The following SPTBN5 variants were observed in gnomAD, a reference collection of about 807,000 sequenced individuals.
SPTBN5 encodes spectrin beta chain, non-erythrocytic 5.
A neutral mutation model predicts 477.6 loss-of-function variants in SPTBN5; 513 were observed. The observed-to-expected ratio is 1.07, with a 90% confidence interval of 1.00 to 1.16. The LOEUF (loss-of-function observed/expected upper bound fraction) is 1.16, where lower values mean the gene tolerates loss of function less well. SPTBN5 is among the 50% of genes most tolerant of loss of function. The pLI, the probability that SPTBN5 is intolerant of heterozygous loss-of-function variation, is 0.00. For synonymous variants in SPTBN5, 2,169 were observed against 2,011.7 expected (o/e 1.08, Z -2.09); for missense variants, 5,062 against 4,731.8 (o/e 1.07, Z -2.05).
At position 41,851,338 on chromosome 15, in the gene SPTBN5, C is replaced by T; in HGVS notation, c.10688G>A (p.Gly3563Glu). ...GCTCAGAGAGCTGCCCTGCAAGTTC[C>T]CGCGGCAGCTGTCCCAGGAGCTCGA... Reference protein sequence around the residue: ...PSSSSWDSCRGNLQGSSLSLF... With the variant: ...PSSSSWDSCRENLQGSSLSLF... The change falls in exon 64 of 68, where the codon GGG becomes GAG. Residue 3563 changes from glycine to glutamate, a missense_variant. By Grantham distance (98) the Gly-to-Glu change is moderately conservative (BLOSUM62 -2). Transcript: ENST00000320955. 6.4e-7 allele frequency: 1 copy of T among 1,550,974 alleles called. No individual in the cohort carries two copies. The highest frequency in any genetic ancestry group is 8.7e-7 in the Non-Finnish European group (1 of 1,146,972).
At chr15:41,880,990 G>T in intron 13 of SPTBN5, 44 bp downstream of exon 13, 3 of 1,514,698 alleles carry the variant, frequency 2.0e-6, no homozygotes, top group Non-Finnish European at 2.7e-6. Flanking sequence ...GGAGCTGCTG[G>T]CACAGAGTAA....
chr15:41,852,821 C>A lies in SPTBN5; in HGVS notation c.10347+3G>T. 6.2e-7 allele frequency: 1 copy of A among 1,609,988 alleles called. No individual in the cohort carries two copies. The highest frequency in any genetic ancestry group is 8.5e-7 in the Non-Finnish European group (1 of 1,177,776). ...CCAGCTAAGGGGCAGGACCCCCACT[C>A]ACCCCATAGTCGGGCTTCAGCAGGA... is the stretch of plus-strand genomic sequence containing the variant. On this transcript the variant is annotated splice_donor_region_variant and intron_variant, in intron 60 of 67. Transcript: ENST00000320955.
chr15:41,880,041 C>T, intron 14 of SPTBN5, 119 bp downstream of exon 14: 1 of 1,429,420 alleles, frequency 7.0e-7, no homozygotes, highest in Non-Finnish European at 9.3e-7. Context: ...TTCAGGCCAG[C>T]TCTCTGCTCC....
rs202048229 is a variant in SPTBN5, at chr15:41,885,969, C to A, written c.1286G>T (p.Arg429Leu). Residue 429 changes from arginine (R) to leucine (L), a missense_variant, in exon 7 of 68, where the codon CGG becomes CTG. Physicochemically the swap from Arg to Leu is moderately radical, Grantham distance 102. Coordinates refer to ENST00000320955, the MANE Select transcript of SPTBN5 (RefSeq NM_016642.4). ...GAGGGCTGCCTTGTGCTGGAAGCGC[C>A]GGGCCAGGGTTTCTAGCCGCTGCAG... ...LQLQRLETLA[R>L]RFQHKAALRE... The A allele has an allele frequency of 6.5e-6, 10 of 1,548,644 alleles. No individual in the cohort carries two copies. Among genetic ancestry groups the A allele is most frequent in the Non-Finnish European group, 7.8e-6 (9 of 1,147,734 alleles).
rs1418589460 is a variant in SPTBN5, at chr15:41,888,079, ACTC to A, written c.505_507del (p.Glu169del). 1 of 1,569,334 alleles carries A rather than the reference ACTC, an allele frequency of 6.4e-7. No homozygotes were observed. Among genetic ancestry groups the A allele is most frequent in the African/African-American group, 1.4e-5 (1 of 73,936 alleles). On this transcript the variant is annotated inframe_deletion, in exon 5 of 68. Transcript: ENST00000320955. ...GACAGCAGGGCTGCGCTGGCCCCAA[ACTC>A]CTCCTGGCGGGACAGGGCAGCAGGG...
At chr15:41,890,336 T>G in intron 3 of SPTBN5, 131 bp from the exon 4 acceptor site, 1 of 666,502 alleles carries the variant, frequency 1.5e-6, no homozygotes, top group East Asian at 2.7e-5. Context: ...GGGAGTTCCC[T>G]CAGGGAGAAG....
rs774337109 is a variant in SPTBN5, at chr15:41,867,082, C to T, written c.6357G>A (p.Arg2119=). The change falls in exon 36 of 68, where the codon CGG becomes CGA. Residue 2119 remains arginine (R), a synonymous_variant. Coordinates refer to ENST00000320955, the MANE Select transcript of SPTBN5 (RefSeq NM_016642.4). ...GCAGGATGGGAAGCCGGTCCCGCAC[C>T]CGGGGGCGCCGGAGCGTCTTCAGCC... ...RERLKTLRRP[R]VRDRLPILLQ... The T allele has an allele frequency of 1.3e-6, 2 of 1,545,940 alleles. No individual in the cohort carries two copies. Among genetic ancestry groups the T allele is most frequent in the Admixed American group, 2.0e-5 (1 of 51,064 alleles).
At chr15:41,866,267 T>C in intron 37 of SPTBN5, 38 bp from the exon 38 acceptor site, 1 of 1,577,468 alleles carries the variant, frequency 6.3e-7, no homozygotes, top group Non-Finnish European at 8.6e-7. Context: ...TCTTGCCTGC[T>C]GCACTTCCTC....
chr15:41,852,775 G>GT (rs765553874), intron 60 of SPTBN5, 40 bp from the exon 61 acceptor site: 4 of 1,611,190 alleles, frequency 2.5e-6, no homozygotes, highest in African/African-American at 2.7e-5. Flanking sequence ...AGCTTGGGGG[G>GT]GGGGGCCCAG....
In SPTBN5 at chr15:41,876,660, G is replaced by A. The variant is rs777744789; in HGVS notation, c.3852-13C>T. On this transcript the variant is annotated splice_polypyrimidine_tract_variant and intron_variant, in intron 19 of 67. Coordinates refer to ENST00000320955, the MANE Select transcript of SPTBN5 (RefSeq NM_016642.4). Reference sequence around the variant, plus strand: ...CTGCTCTCTGACCCTGGAGGGCGGGGGGGGGTTGGAGGAGGGCATGGGAGA... The same window carrying A: ...CTGCTCTCTGACCCTGGAGGGCGGGAGGGGGTTGGAGGAGGGCATGGGAGA... The A allele has an allele frequency of 3.4e-6, 5 of 1,453,764 alleles. No individual in the cohort carries two copies. Among genetic ancestry groups the A allele is most frequent in the Admixed American group, 1.8e-5 (1 of 57,000 alleles). 90.1% of individuals were successfully genotyped at this position (1,453,764 alleles called of 1,614,324 possible). A position where few individuals can be genotyped will look rare whatever the true frequency, so the allele number is the denominator to read the frequency against.
rs1201343811 is a variant in SPTBN5, at chr15:41,854,782, C to T, written c.9618G>A (p.Glu3206=). 1.3e-6 allele frequency: 2 copies of T among 1,528,830 alleles called. No individual in the cohort carries two copies. The highest frequency in any genetic ancestry group is 1.8e-6 in the Non-Finnish European group (2 of 1,136,578). 94.7% of individuals were successfully genotyped at this position (1,528,830 alleles called of 1,614,324 possible). The change falls in exon 56 of 68, where the codon GAG becomes GAA. Residue 3206 remains glutamate (E), a splice_region_variant and synonymous_variant. Transcript: ENST00000320955. ...RLDQAIKART[E]NLAAAHEVHS... is the part of the protein sequence containing the mutation. The stretch of plus-strand genomic sequence containing the variant: ...CTTGGCCCGGCCTGTGATCACCTAC[C>T]TCTGTGCGGGCTTTTATTGCTTGGT...
rs891437946 is a variant in SPTBN5 at position 41,852,637 on chromosome 15, T to C, written c.10446A>G (p.Thr3482=). Residue 3482 remains threonine (T), a synonymous_variant, in exon 61 of 68, where the codon ACA becomes ACG. Transcript: ENST00000320955. ...CCCTAGCCGAGGCAGTCGTCACCTC[T>C]GTCTTTTGCATTTGGGCAAACTTCT... is the stretch of plus-strand genomic sequence containing the variant. The part of the protein sequence containing the change: ...QEEKFAQMQK[T]EMEQELLLQP... The C allele has an allele frequency of 2.5e-5, 41 of 1,613,410 alleles. No individual in the cohort carries two copies. Among genetic ancestry groups the C allele is most frequent in the Non-Finnish European group, 3.5e-5 (41 of 1,179,876 alleles).
intron 29 of SPTBN5, 32 bp downstream of exon 29, chr15:41,871,342 AC>A: frequency 7.2e-7 from 1 of 1,382,298 alleles, no homozygotes; most frequent in Non-Finnish European, 9.4e-7. Context: ...CTTCCCCCAA[AC>A]CCCATGCTGG....
chr15:41,892,977 C>A lies in SPTBN5; in HGVS notation c.301G>T (p.Ala101Ser), dbSNP rs2067359097. 2.5e-6 allele frequency: 4 copies of A among 1,609,366 alleles called. No individual in the cohort carries two copies. Among genetic ancestry groups the A allele is most frequent in the African/African-American group, 1.3e-5 (1 of 75,046 alleles). The change falls in exon 3 of 68, where the codon GCC becomes TCC. Residue 101 changes from alanine to serine, a missense_variant. Physicochemically the swap from Ala to Ser is moderately conservative, Grantham distance 99. Coordinates refer to ENST00000320955, the MANE Select transcript of SPTBN5 (RefSeq NM_016642.4). ...LRLLELISGE[A>S]LPPPSRGRLR... ...CGGCCCCGGCTCGGGGGTGGCAGGG[C>A]CTCCCCTGAGATGAGCTCCAGCAGC...
At chr15:41,871,563 T>G in intron 28 of SPTBN5, 43 bp from the exon 29 acceptor site, 1 of 1,423,778 alleles carries the variant, frequency 7.0e-7, no homozygotes, top group Non-Finnish European at 9.2e-7. Flanking sequence ...CCCAGCTGGT[T>G]AGGCGTCAAG....
In SPTBN5 at chr15:41,888,063, G is replaced by A; in HGVS notation, c.524C>T (p.Ala175Val). Reference protein sequence around the residue: ...LDKEEFGASAALLSTKEALLV... With the variant: ...LDKEEFGASAVLLSTKEALLV... ...CAGGGCTTCCTTGGTGGACAGCAGG[G>A]CTGCGCTGGCCCCAAACTCCTCCTG... is the stretch of plus-strand genomic sequence containing the variant. Residue 175 changes from alanine to valine, a missense_variant, in exon 5 of 68, where the codon GCC (alanine) becomes GTC (valine). Physicochemically the swap from Ala to Val is moderately conservative, Grantham distance 64. Transcript: ENST00000320955. 1 of 1,574,902 alleles carries A rather than the reference G, an allele frequency of 6.3e-7. No homozygotes were observed. The highest frequency in any genetic ancestry group is 8.6e-7 in the Non-Finnish European group (1 of 1,160,764).
At position 41,881,222 on chromosome 15, in the gene SPTBN5, G is replaced by T; in HGVS notation, c.2470C>A (p.Leu824Met). 3.1e-6 allele frequency: 5 copies of T among 1,609,040 alleles called. No homozygotes were observed. Among genetic ancestry groups the T allele is most frequent in the Non-Finnish European group, 4.2e-6 (5 of 1,178,528 alleles). The change falls in exon 13 of 68, where the codon CTG becomes ATG. Residue 824 changes from leucine to methionine, a missense_variant. Leu to Met is a conservative substitution (Grantham distance 15). Transcript: ENST00000320955. ...CTCAGGCTTTCTCCTGGAGGGCTCA[G>T]GGCAGAGTTCACCTGTGTGACAAAG... is the stretch of plus-strand genomic sequence containing the variant. Reference protein sequence around the residue: ...RASLFTVNSALSPPGESLRNP... With the variant: ...RASLFTVNSAMSPPGESLRNP...
intron 46 of SPTBN5, among the ~76,000 whole-genome samples, chr15:41,861,039 C>G (rs734917): frequency 0.01 from 1,584 of 152,380 alleles, 47 homozygotes; most frequent in East Asian, 0.065. Context: ...CCTGGAGGAC[C>G]ATGTTAGTCC....
rs953672597 is a variant in SPTBN5 at position 41,851,310 on chromosome 15, C to G, written c.10716G>C (p.Leu3572=). Residue 3572 remains leucine, a synonymous_variant, in exon 64 of 68, where the codon CTG becomes CTC. Coordinates refer to ENST00000320955, the MANE Select transcript of SPTBN5 (RefSeq NM_016642.4). ...CCGCTGCCATCCTCTCATCCAGGAA[C>G]AGGCTCAGAGAGCTGCCCTGCAAGT... ...RGNLQGSSLS[L]FLDERMAAEK... 1.5e-5 allele frequency: 24 copies of G among 1,551,132 alleles called. No individual in the cohort carries two copies. The highest frequency in any genetic ancestry group is 2.1e-5 in the Non-Finnish European group (24 of 1,147,010).
Sources: allele counts gnomAD v4.1 joint callset (sites outside exome capture counted in the v4.1 genomes callset), GRCh38; gene constraint gnomAD v4.1.1; transcripts MANE v1.5; gene names NCBI Gene and HGNC (gene_info 2026-07-23, HGNC 2026-07-21).